ARHGEF3: variants seen among roughly 807,000 people sequenced by gnomAD.
The protein encoded by ARHGEF3 is Rho guanine nucleotide exchange factor 3, also known as 59.8 kDA protein.
Under a neutral mutation model 63.2 loss-of-function variants are expected in ARHGEF3, and 28 were observed. The ratio of observed to expected loss-of-function variants is 0.44; its 90% CI spans 0.33 to 0.61. The LOEUF is 0.61. Among genes scored for constraint, ARHGEF3 ranks in the 20% least tolerant of loss-of-function variants. The pLI, the probability that ARHGEF3 is intolerant of heterozygous loss-of-function variation, is 0.03. For synonymous variants in ARHGEF3, 266 were observed against 254.2 expected, an observed-to-expected ratio of 1.05 and a Z score of -0.44; for missense variants, 533 against 659.3, an observed-to-expected ratio of 0.81 and a Z score of 2.10.
At chr3:56,797,760 A>C (rs2037446245) in intron 1 of ARHGEF3, among the ~76,000 whole-genome samples, 1 of 152,220 alleles carries the variant, frequency 6.6e-6, no homozygotes, top group Non-Finnish European at 1.5e-5. Flanking sequence ...AGTGGGCCTT[A>C]AAGGATACCT....
intron 4 of ARHGEF3, among the ~76,000 whole-genome samples, chr3:56,871,918 T>C (rs1399100161): frequency 1.3e-5 from 2 of 152,224 alleles, no homozygotes; most frequent in African/African-American, 4.8e-5. Flanking sequence ...TTCTCAGACC[T>C]GTGACTGTCA....
intron 1 of ARHGEF3, among the ~76,000 whole-genome samples, chr3:57,042,696 A>ATTTTTTTT (rs1560156436): frequency 1.2e-4 from 4 of 33,546 alleles, no homozygotes; most frequent in African/African-American, 1.5e-4. Flanking sequence ...ATATATATAT[A>ATTTTTTTT]TATATTTTTT....
At chr3:57,026,642 T>C (rs536781047) in intron 2 of ARHGEF3, among the ~76,000 whole-genome samples, 19 of 152,238 alleles carry the variant, frequency 1.2e-4, no homozygotes, top group African/African-American at 4.6e-4. Flanking sequence ...CTACCCTACC[T>C]GGACAGGGCC....
At chr3:57,050,332 T>C (rs1388182820) in intron 1 of ARHGEF3, among the ~76,000 whole-genome samples, 1 of 152,228 alleles carries the variant, frequency 6.6e-6, no homozygotes. Context: ...CTCCCCTAAA[T>C]GCTGTTCTTC....
intron 4 of ARHGEF3, among the ~76,000 whole-genome samples, chr3:56,820,816 A>C (rs1481774330): frequency 6.6e-6 from 1 of 152,138 alleles, no homozygotes; most frequent in African/African-American, 2.4e-5. Context: ...ATATTAGATA[A>C]CATTGAGGAA....
chr3:56,794,450 T>G (rs1032021680), intron 1 of ARHGEF3, among the ~76,000 whole-genome samples: 4 of 141,988 alleles, frequency 2.8e-5, no homozygotes, highest in Admixed American at 2.3e-4. Flanking sequence ...ATCGCACCAC[T>G]GCACTGTAGC....
intron 4 of ARHGEF3, among the ~76,000 whole-genome samples, chr3:56,873,651 C>T (rs1430734405): frequency 1.3e-5 from 2 of 152,144 alleles, no homozygotes; most frequent in African/African-American, 4.8e-5. Flanking sequence ...CTCAAGCAAT[C>T]CTCCAGCCTG....
chr3:57,028,719 A>T (rs58039314), intron 2 of ARHGEF3, among the ~76,000 whole-genome samples: 3,588 of 141,208 alleles, frequency 0.025, 127 homozygotes, highest in African/African-American at 0.086. Context: ...AATAAATAAA[A>T]AAAAAAGAAC....
chr3:57,017,032 T>TCTCTCTCTCTCTCACA (rs1221332567), intron 2 of ARHGEF3, among the ~76,000 whole-genome samples: 1 of 104,316 alleles, frequency 9.6e-6, no homozygotes, highest in East Asian at 2.8e-4. Context: ...TCTCTCTCTC[T>TCTCTCTCTCTCTCACA]CACACACACA....
chr3:57,014,654 A>G (rs987265478), intron 2 of ARHGEF3, among the ~76,000 whole-genome samples: 3 of 151,508 alleles, frequency 2.0e-5, no homozygotes, highest in Non-Finnish European at 4.4e-5. Flanking sequence ...AAGTAAAATT[A>G]CAAAAGCAAA....
Position 57,042,673 on chromosome 3 carries a change from TATATATATATA to T in ARHGEF3, c.-27-7508_-27-7498del, listed in dbSNP as rs1704246802. ...ATAAATATATATATATATATATATA[TATATATATATA>T]TATATATATATATATATTTTTTTTT... On this transcript the variant is annotated intron_variant, in intron 1 of 12. Coordinates refer to the ARHGEF3 transcript ENST00000338458. Among the ~76,000 whole-genome samples, 21 of 37,664 alleles carry T rather than the reference TATATATATATA, an allele frequency of 5.6e-4. 1 individual carries two copies. The highest frequency in any genetic ancestry group is 0.018 in the Middle Eastern group (2 of 110). The allele number at this position is 37,664 out of a possible 152,430, so 24.7% of individuals were successfully genotyped here. A position where few individuals can be genotyped will look rare whatever the true frequency, so the allele number is the denominator to read the frequency against.
At chr3:56,953,722 G>T (rs7618565) in intron 3 of ARHGEF3, among the ~76,000 whole-genome samples, 152,162 of 152,308 alleles carry the variant, frequency 1, 76,008 homozygotes, top group Middle Eastern at 1. Context: ...GGATTTCATA[G>T]ATGGATCCTG....
intron 3 of ARHGEF3, among the ~76,000 whole-genome samples, chr3:56,928,260 C>T (rs1419850135): frequency 6.6e-6 from 1 of 152,178 alleles, no homozygotes; most frequent in Non-Finnish European, 1.5e-5. Context: ...TGTCCTGCCA[C>T]ATCATTGCCA....
chr3:56,963,637 A>C (rs915895753), intron 2 of ARHGEF3, among the ~76,000 whole-genome samples: 1 of 152,132 alleles, frequency 6.6e-6, no homozygotes, highest in East Asian at 1.9e-4. Flanking sequence ...TTCTCGTTTT[A>C]CCTCTCTTTA....
intron 6 of ARHGEF3, among the ~76,000 whole-genome samples, chr3:56,749,935 C>A (rs2034628247): frequency 6.7e-6 from 1 of 149,408 alleles, no homozygotes; most frequent in Admixed American, 6.6e-5. Context: ...GTTATCAAGG[C>A]ATGTTAACTG....
chr3:56,729,691 C>G (rs1211328543), intron 9 of ARHGEF3, 69 bp from the exon 10 acceptor site: 19 of 1,278,338 alleles, frequency 1.5e-5, no homozygotes, highest in Non-Finnish European at 2.1e-5. Context: ...AGAGAACACA[C>G]GTAGTGACAC....
At chr3:56,839,686 C>T (rs2039245269) in intron 4 of ARHGEF3, among the ~76,000 whole-genome samples, 1 of 152,178 alleles carries the variant, frequency 6.6e-6, no homozygotes, top group Admixed American at 6.5e-5. Context: ...ACTCTGCGCC[C>T]TATCCCCAAA....
At chr3:56,921,033 T>C (rs185218341) in intron 3 of ARHGEF3, among the ~76,000 whole-genome samples, 3,555 of 122,184 alleles carry the variant, frequency 0.029, 47 homozygotes, top group Admixed American at 0.039. Flanking sequence ...CCAGCCTGGG[T>C]GACAGAGCGA....
At chr3:56,875,095 G>A (rs557992240) in intron 4 of ARHGEF3, among the ~76,000 whole-genome samples, 1 of 152,240 alleles carries the variant, frequency 6.6e-6, no homozygotes, top group African/African-American at 2.4e-5. Flanking sequence ...TAGCTGTAAG[G>A]CCTCAGGCAA....
Sources: gnomAD v4.1 joint callset for allele counts (sites outside exome capture counted in the v4.1 genomes callset) on GRCh38, gnomAD v4.1.1 for gene constraint, MANE v1.5 for transcripts, NCBI Gene and HGNC (gene_info 2026-07-23, HGNC 2026-07-21) for gene names.